BMPR2: variants seen among roughly 807,000 people sequenced by gnomAD.
BMPR2 encodes bone morphogenetic protein receptor type 2.
BMPR2 carries 29 observed loss-of-function variants against 100.8 expected under a neutral mutation model. The ratio of observed to expected loss-of-function variants is 0.29; its 90% CI spans 0.21 to 0.39. The LOEUF (loss-of-function observed/expected upper bound fraction) is 0.39, where lower values mean the gene tolerates loss of function less well. BMPR2 is among the 10% of genes least tolerant of loss of function. BMPR2 has a pLI of 1.00. For synonymous variants in BMPR2, 382 were observed against 442.3 expected (o/e 0.86, Z 1.71); for missense variants, 1,011 against 1,274.5 (o/e 0.79, Z 3.15).
chr2:202,403,746 C>T (rs1690820696), intron 1 of BMPR2, among the ~76,000 whole-genome samples: 1 of 152,108 alleles, frequency 6.6e-6, no homozygotes, highest in South Asian at 2.1e-4. Context: ...GTGGCTCACG[C>T]CTATAATCCC....
chr2:202,384,563 T>TCTTC (rs1354849006), intron 1 of BMPR2, among the ~76,000 whole-genome samples: 1 of 17,908 alleles, frequency 5.6e-5, no homozygotes, highest in African/African-American at 2.6e-4. Flanking sequence ...TTTCTTTCTT[T>TCTTC]CTTTCTTTTT....
In BMPR2 at chr2:202,425,387, C is replaced by T. The variant is rs1283974989; in HGVS notation, c.77-39422C>T. Among the ~76,000 whole-genome samples, 7 of 152,316 alleles carry T rather than the reference C, an allele frequency of 4.6e-5. No homozygotes were observed. The East Asian group carries it at 1.3e-3, about 29-fold the overall frequency. On this transcript the variant is annotated intron_variant, in intron 1 of 12. Coordinates refer to ENST00000374580, the MANE Select transcript of BMPR2 (RefSeq NM_001204.7). ...AGGTACAGAAATAGCCGATTGGTTA[C>T]AGCTTGGCATTTGTCTTATTTGAAC...
chr2:202,492,851 A>C (rs1443625433), intron 3 of BMPR2, among the ~76,000 whole-genome samples: 3 of 152,116 alleles, frequency 2.0e-5, no homozygotes, highest in African/African-American at 7.2e-5. Flanking sequence ...CCAAATATCT[A>C]TCTTGTTTTC....
intron 3 of BMPR2, among the ~76,000 whole-genome samples, chr2:202,482,835 G>A (rs933019839): frequency 1.3e-4 from 20 of 151,960 alleles, no homozygotes; most frequent in Non-Finnish European, 2.4e-4. Context: ...CACCACACCC[G>A]GCTGCTACCT....
At chr2:202,539,566 G>T (rs1688232541) in intron 9 of BMPR2, among the ~76,000 whole-genome samples, 1 of 151,838 alleles carries the variant, frequency 6.6e-6, no homozygotes, top group Admixed American at 6.6e-5. Context: ...TCAAAATGCA[G>T]TATGTGCTGT....
chr2:202,448,918 A>T (rs1315935139), intron 1 of BMPR2, among the ~76,000 whole-genome samples: 2 of 142,002 alleles, frequency 1.4e-5, no homozygotes, highest in African/African-American at 5.4e-5. Context: ...TTGTCAGTTT[A>T]GAATTGGTGT....
In BMPR2 at chr2:202,491,848, T is replaced by A. The variant is rs73990294; in HGVS notation, c.419-21871T>A. Among the ~76,000 whole-genome samples, 863 of 152,246 alleles carry A rather than the reference T, an allele frequency of 5.7e-3. 14 individuals are homozygous for A. The highest frequency in any genetic ancestry group is 0.019 in the African/African-American group (802 of 41,542). On this transcript the variant is annotated intron_variant, in intron 3 of 12. Transcript: ENST00000374580. ...AGCAACAAAATTAAAGTCCTAAATATAACTAAAAAATCAAATGTATACATT... is the reference window on the plus strand; with the variant it reads ...AGCAACAAAATTAAAGTCCTAAATAAAACTAAAAAATCAAATGTATACATT...
chr2:202,493,712 G>C (rs1692959588), intron 3 of BMPR2, among the ~76,000 whole-genome samples: 1 of 152,136 alleles, frequency 6.6e-6, no homozygotes. Context: ...AAGTTAAGGA[G>C]GAGGGGCACT....
In BMPR2 at chr2:202,377,438, C is replaced by A; in HGVS notation, c.-37C>A. The A allele has an allele frequency of 1.2e-6, 2 of 1,609,042 alleles. No homozygotes were observed. Among genetic ancestry groups the A allele is most frequent in the Middle Eastern group, 1.7e-4 (1 of 6,056 alleles). On this transcript the variant is annotated 5_prime_UTR_variant, in exon 1 of 13. Transcript: ENST00000374580. ...CTCCGCCGGTCTACTTCCCATATTT[C>A]TTTTCTTTGCCCTCCTGATTCTTGG... is the stretch of plus-strand genomic sequence containing the variant.
chr2:202,548,270 C>T (rs1688410871), intron 10 of BMPR2, among the ~76,000 whole-genome samples: 1 of 151,898 alleles, frequency 6.6e-6, no homozygotes, highest in South Asian at 2.1e-4. Flanking sequence ...CATACTTTTT[C>T]ATCTGACACA....
chr2:202,533,131 T>C (rs1374034084), intron 9 of BMPR2, among the ~76,000 whole-genome samples: 1 of 152,178 alleles, frequency 6.6e-6, no homozygotes. Context: ...CACTTTTTCC[T>C]TTTCTTTTTT....
intron 1 of BMPR2, among the ~76,000 whole-genome samples, chr2:202,413,836 T>G (rs913881997): frequency 2.6e-5 from 4 of 152,090 alleles, no homozygotes; most frequent in African/African-American, 9.7e-5. Flanking sequence ...CCAAATTTTT[T>G]GTATTTTTAG....
At chr2:202,534,651 T>C (rs1485844474) in intron 9 of BMPR2, among the ~76,000 whole-genome samples, 2 of 152,180 alleles carry the variant, frequency 1.3e-5, no homozygotes, top group African/African-American at 2.4e-5. Context: ...AAGTCTCCCA[T>C]GTCTACTTCT....
chr2:202,426,983 G>A (rs534518328), intron 1 of BMPR2, among the ~76,000 whole-genome samples: 3 of 152,304 alleles, frequency 2.0e-5, no homozygotes, highest in East Asian at 3.9e-4. Flanking sequence ...TTATTCAGGC[G>A]AGATATGATG....
At chr2:202,537,066 T>G (rs983687720) in intron 9 of BMPR2, among the ~76,000 whole-genome samples, 1 of 151,980 alleles carries the variant, frequency 6.6e-6, no homozygotes, top group African/African-American at 2.4e-5. Context: ...CCGGCTAGTA[T>G]TTTATTTTTT....
intron 5 of BMPR2, among the ~76,000 whole-genome samples, chr2:202,516,284 C>G (rs1246706747): frequency 6.6e-6 from 1 of 151,926 alleles, no homozygotes; most frequent in Non-Finnish European, 1.5e-5. Context: ...AAGATAAAAG[C>G]CAAATTTGAA....
intron 1 of BMPR2, among the ~76,000 whole-genome samples, chr2:202,386,540 A>G (rs1282542392): frequency 6.6e-6 from 1 of 151,362 alleles, no homozygotes; most frequent in Non-Finnish European, 1.5e-5. Context: ...GCTTCTTACC[A>G]CCTCCACTGT....
chr2:202,463,649 T>C (rs954660054), intron 1 of BMPR2, among the ~76,000 whole-genome samples: 2 of 152,212 alleles, frequency 1.3e-5, no homozygotes, highest in East Asian at 1.9e-4. Context: ...AGATCAGATA[T>C]TGCTTTCGAT....
At chr2:202,393,836 G>C (rs1325722616) in intron 1 of BMPR2, among the ~76,000 whole-genome samples, 1 of 147,664 alleles carries the variant, frequency 6.8e-6, no homozygotes, top group African/African-American at 2.5e-5. Context: ...ACTAATTATA[G>C]AGTTTGTTGT....
Sources: allele counts gnomAD v4.1 joint callset (sites outside exome capture counted in the v4.1 genomes callset), GRCh38; gene constraint gnomAD v4.1.1; transcripts MANE v1.5; gene names NCBI Gene and HGNC (gene_info 2026-07-23, HGNC 2026-07-21).